KCNAB1: variants seen among roughly 807,000 people sequenced by gnomAD.
KCNAB1 encodes the protein potassium voltage-gated channel subfamily A regulatory beta subunit 1.
A neutral mutation model predicts 64.6 loss-of-function variants in KCNAB1; 35 were observed. That is an observed-to-expected ratio of 0.54 (90% CI 0.41 to 0.72). The LOEUF (loss-of-function observed/expected upper bound fraction) is 0.72, where lower values mean the gene tolerates loss of function less well. Among genes scored for constraint, KCNAB1 ranks in the 30% least tolerant of loss-of-function variants. The pLI, the probability that KCNAB1 is intolerant of heterozygous loss-of-function variation, is 0.00. For synonymous variants in KCNAB1, 177 were observed against 183.8 expected (o/e 0.96, Z 0.30); for missense variants, 401 against 512.9 (o/e 0.78, Z 2.11).
intron 8 of KCNAB1, among the ~76,000 whole-genome samples, chr3:156,488,855 T>C (rs929075724): frequency 6.6e-6 from 1 of 152,036 alleles, no homozygotes; most frequent in Non-Finnish European, 1.5e-5. Flanking sequence ...GTGGTTCAGT[T>C]TGGATAAATA....
At chr3:156,155,036 C>T (rs1715635724) in intron 1 of KCNAB1, among the ~76,000 whole-genome samples, 1 of 152,058 alleles carries the variant, frequency 6.6e-6, no homozygotes, top group Non-Finnish European at 1.5e-5. Flanking sequence ...TTGGATAATC[C>T]AAAACATATT....
At chr3:156,390,459 CT>C (rs1712951743) in intron 1 of KCNAB1, among the ~76,000 whole-genome samples, 2 of 152,126 alleles carry the variant, frequency 1.3e-5, no homozygotes, top group African/African-American at 4.8e-5. Flanking sequence ...AGTTTAGAGT[CT>C]TAAAAAAAGG....
At chr3:156,313,669 C>A (rs998927662) in intron 1 of KCNAB1, among the ~76,000 whole-genome samples, 5 of 152,354 alleles carry the variant, frequency 3.3e-5, no homozygotes, top group Admixed American at 1.3e-4. Flanking sequence ...CCGTCTGCAT[C>A]TTGACTTTAG....
At chr3:156,120,242 T>G (rs1713254746), upstream of KCNAB1, among the ~76,000 whole-genome samples, 1 of 152,204 alleles carries the variant, frequency 6.6e-6, no homozygotes, top group African/African-American at 2.4e-5. Flanking sequence ...AACATGATTA[T>G]CGAATGTAAT....
chr3:156,171,187 G>GCAAACACACACACACACACA (rs1553812699), intron 1 of KCNAB1, among the ~76,000 whole-genome samples: 1 of 142,738 alleles, frequency 7.0e-6, no homozygotes, highest in African/African-American at 2.8e-5. Flanking sequence ...GAAACTTCAC[G>GCAAACACACACACACACACA]CACACATACA....
intron 8 of KCNAB1, among the ~76,000 whole-genome samples, chr3:156,490,547 C>A (rs1324015801): frequency 6.6e-6 from 1 of 151,832 alleles, no homozygotes; most frequent in African/African-American, 2.4e-5. Flanking sequence ...AGAGCAAGAA[C>A]AACATAGAAC....
At chr3:156,259,187 C>T (rs1399178412) in intron 1 of KCNAB1, among the ~76,000 whole-genome samples, 3 of 152,140 alleles carry the variant, frequency 2.0e-5, no homozygotes, top group African/African-American at 7.2e-5. Flanking sequence ...GAGAAGATTC[C>T]AGTGGTAAGA....
At chr3:156,287,123 G>A (rs145958301) in intron 1 of KCNAB1, among the ~76,000 whole-genome samples, 1 of 152,258 alleles carries the variant, frequency 6.6e-6, no homozygotes, top group East Asian at 1.9e-4. Flanking sequence ...AGTCCTTTGA[G>A]TTACCATGAA....
At chr3:156,178,977 G>A (rs1712588736) in intron 1 of KCNAB1, among the ~76,000 whole-genome samples, 1 of 138,720 alleles carries the variant, frequency 7.2e-6, no homozygotes, top group Non-Finnish European at 1.5e-5. Flanking sequence ...CTCCAACCTG[G>A]GAGACACAGC....
intron 1 of KCNAB1, among the ~76,000 whole-genome samples, chr3:156,179,346 A>G (rs1012672717): frequency 6.6e-6 from 1 of 152,056 alleles, no homozygotes; most frequent in Non-Finnish European, 1.5e-5. Context: ...TCCATTCCAG[A>G]AGGGGGGATA....
At chr3:156,192,253 A>G (rs1047035768) in intron 1 of KCNAB1, among the ~76,000 whole-genome samples, 4 of 151,984 alleles carry the variant, frequency 2.6e-5, no homozygotes, top group Non-Finnish European at 5.9e-5. Flanking sequence ...CAATTTATTT[A>G]TTTACCTTTT....
chr3:156,145,859 C>T (rs1031323730), intron 1 of KCNAB1, among the ~76,000 whole-genome samples: 2 of 151,844 alleles, frequency 1.3e-5, no homozygotes, highest in African/African-American at 4.8e-5. Flanking sequence ...GGATTGAAAC[C>T]CTTTAGGTGA....
Position 156,240,237 on chromosome 3 carries a change from G to A in KCNAB1, c.275+119351G>A, listed in dbSNP as rs187441057. Among the ~76,000 whole-genome samples the A allele has an allele frequency of 5.3e-5, 8 of 152,216 alleles. No individual in the cohort carries two copies. The East Asian group carries it at 5.8e-4, about 11-fold the overall frequency. On this transcript the variant is annotated intron_variant, in intron 1 of 13. Transcript: ENST00000490337. Reference sequence around the variant, plus strand: ...ATAACACATTTTGACATTTCTAAGCGATATGGCCTCCTTTGTCTTTCTCCT... The same window carrying A: ...ATAACACATTTTGACATTTCTAAGCAATATGGCCTCCTTTGTCTTTCTCCT...
chr3:156,487,235 C>G lies in KCNAB1; in HGVS notation c.658+12415C>G, dbSNP rs1296570076. Among the ~76,000 whole-genome samples the G allele has an allele frequency of 2.0e-5, 3 of 152,026 alleles. No individual in the cohort carries two copies. The East Asian group carries it at 5.8e-4, about 29-fold the overall frequency. ...AAATTACAGAATAAAGCACTTGGCC[C>G]CCTGTATAAAATTCATACATTATAC... On this transcript the variant is annotated intron_variant, in intron 8 of 13. Coordinates refer to ENST00000490337, the MANE Select transcript of KCNAB1 (RefSeq NM_172160.3).
At chr3:156,456,828 C>T (rs1106299) in intron 3 of KCNAB1, 4,198 of 153,160 alleles carry the variant, frequency 0.027, 152 homozygotes, top group East Asian at 0.12. Context: ...CGTTCAGCAG[C>T]ACAAAGCAAG....
At chr3:156,290,472 G>C (rs1720338883) in intron 1 of KCNAB1, among the ~76,000 whole-genome samples, 1 of 152,212 alleles carries the variant, frequency 6.6e-6, no homozygotes, top group Non-Finnish European at 1.5e-5. Context: ...ATTTCAAATG[G>C]AAAGTAAATT....
intron 1 of KCNAB1, among the ~76,000 whole-genome samples, chr3:156,417,732 A>T (rs1016469430): frequency 6.6e-6 from 1 of 151,928 alleles, no homozygotes; most frequent in African/African-American, 2.4e-5. Flanking sequence ...AAAAAAAAAA[A>T]GCCTGGTGGC....
At chr3:156,245,334 A>G (rs1275790868) in intron 1 of KCNAB1, among the ~76,000 whole-genome samples, 3 of 152,182 alleles carry the variant, frequency 2.0e-5, no homozygotes, top group South Asian at 4.1e-4. Flanking sequence ...TTCTAGATTC[A>G]CATGCAGTTA....
intron 1 of KCNAB1, among the ~76,000 whole-genome samples, chr3:156,175,277 T>A (rs1248631176): frequency 6.6e-6 from 1 of 151,962 alleles, no homozygotes; most frequent in Non-Finnish European, 1.5e-5. Flanking sequence ...ATTTGTCACA[T>A]TGGGCAGGCA....
Sources: allele counts gnomAD v4.1 joint callset (sites outside exome capture counted in the v4.1 genomes callset), GRCh38; gene constraint gnomAD v4.1.1; transcripts MANE v1.5; gene names NCBI Gene and HGNC (gene_info 2026-07-23, HGNC 2026-07-21).